The following NAA15 variants were observed in gnomAD, a reference collection of about 807,000 sequenced individuals.
NAA15 encodes N-terminal acetyltransferase.
NAA15 carries 34 observed loss-of-function variants against 114.0 expected under a neutral mutation model. That is an observed-to-expected ratio of 0.30 (90% CI 0.23 to 0.40). The LOEUF is 0.40. Among genes scored for constraint, NAA15 ranks in the 10% least tolerant of loss-of-function variants. The pLI is 1.00. For synonymous variants in NAA15, 340 were observed against 338.0 expected (o/e 1.01, Z -0.06); for missense variants, 658 against 1,004.5 (o/e 0.66, Z 4.66).
chr4:139,355,630 A>ATATAT lies in NAA15; in HGVS notation c.1087+1532_1087+1533insTATAT, dbSNP rs369967778. On this transcript the variant is annotated intron_variant, in intron 10 of 19. Transcript: ENST00000296543. ...AGTAGCCACATTTTAAGTGCTGCTC[A>ATATAT]ATAGCTATATATAGCTAATGCCTAC... Among the ~76,000 whole-genome samples the ATATAT allele has an allele frequency of 6.2e-3, 946 of 152,310 alleles. 7 individuals are homozygous for ATATAT. Among genetic ancestry groups the ATATAT allele is most frequent in the African/African-American group, 0.022 (913 of 41,568 alleles).
rs1258263640 is a variant in NAA15, at chr4:139,301,734, G to T, written c.-44G>T. On this transcript the variant is annotated 5_prime_UTR_variant, in exon 1 of 20. Coordinates refer to ENST00000296543, the MANE Select transcript of NAA15 (RefSeq NM_057175.5). ...GCGGCGGCGGTCGGACAAACTGACT[G>T]ACCGAGCCGGGTGGTGGCGGGAGCA... is the stretch of plus-strand genomic sequence containing the variant. 8 of 1,539,988 alleles carry T rather than the reference G, an allele frequency of 5.2e-6. No homozygotes were observed. Among genetic ancestry groups the T allele is most frequent in the Non-Finnish European group, 7.0e-6 (8 of 1,138,872 alleles).
At chr4:139,350,643 C>T (rs965848078) in intron 7 of NAA15, among the ~76,000 whole-genome samples, 1 of 152,174 alleles carries the variant, frequency 6.6e-6, no homozygotes, top group Non-Finnish European at 1.5e-5. Flanking sequence ...AACAAAGATT[C>T]TCAGACTGAT....
chr4:139,377,531 TC>T (rs200787222), intron 16 of NAA15, among the ~76,000 whole-genome samples: 1,789 of 139,538 alleles, frequency 0.013, 13 homozygotes, highest in East Asian at 0.03. Context: ...AGAATCAAAC[TC>T]CATCTCAAAA....
intron 1 of NAA15, among the ~76,000 whole-genome samples, chr4:139,309,428 TG>T (rs1746140085): frequency 1.4e-4 from 2 of 14,350 alleles, no homozygotes; most frequent in Admixed American, 1.1e-3. Context: ...GCTTTTTAAG[TG>T]TGTGTGTGTG....
Position 139,369,599 on chromosome 4 carries a change from G to A in NAA15, c.1754-612G>A, listed in dbSNP as rs552792197. On this transcript the variant is annotated intron_variant, in intron 14 of 19. Transcript: ENST00000296543. ...CTAAAAATACAAAAATCAGCCGGAC[G>A]TGGTGGCACATGCCTGTAGTCCCAG... Among the ~76,000 whole-genome samples the A allele has an allele frequency of 2.0e-4, 30 of 152,034 alleles. No individual in the cohort carries two copies. The South Asian group carries it at 4.6e-3, about 23-fold the overall frequency.
At chr4:139,381,115 C>T (rs1055371820) in intron 17 of NAA15, among the ~76,000 whole-genome samples, 2 of 152,108 alleles carry the variant, frequency 1.3e-5, no homozygotes, top group Non-Finnish European at 2.9e-5. Context: ...CTGGCACCCT[C>T]CAAATCTCTA....
intron 14 of NAA15, among the ~76,000 whole-genome samples, chr4:139,362,350 G>T (rs1281936248): frequency 6.6e-6 from 1 of 152,070 alleles, no homozygotes; most frequent in Admixed American, 6.5e-5. Flanking sequence ...CATGATCTCG[G>T]ATCACTGCAA....
intron 14 of NAA15, among the ~76,000 whole-genome samples, chr4:139,365,947 A>T (rs947082185): frequency 2.6e-5 from 4 of 152,166 alleles, no homozygotes; most frequent in Non-Finnish European, 4.4e-5. Context: ...GTTGTTAAAA[A>T]GGTCAGTGCT....
intron 13 of NAA15, among the ~76,000 whole-genome samples, chr4:139,361,051 C>T (rs549312036): frequency 2.0e-5 from 3 of 152,268 alleles, no homozygotes; most frequent in Admixed American, 2.0e-4. Context: ...TATCTAATTT[C>T]ATGCTGTTTG....
intron 1 of NAA15, chr4:139,302,640 C>T (rs534841735): frequency 6.6e-6 from 1 of 152,338 alleles, no homozygotes; most frequent in South Asian, 2.1e-4. Flanking sequence ...TTCTTATACA[C>T]TGAAGTATAT....
chr4:139,324,828 C>T (rs573737252), intron 1 of NAA15, among the ~76,000 whole-genome samples: 225 of 152,050 alleles, frequency 1.5e-3, no homozygotes, highest in African/African-American at 5.1e-3. Context: ...TAGTGCATTT[C>T]GTGAAAAAAA....
chr4:139,320,413 G>T (rs903075685), intron 1 of NAA15, among the ~76,000 whole-genome samples: 44 of 152,188 alleles, frequency 2.9e-4, no homozygotes, highest in African/African-American at 8.7e-4. Context: ...ATTCTTGCAT[G>T]TATAGGTTAG....
intron 7 of NAA15, 125 bp downstream of exon 7, chr4:139,349,706 C>A: frequency 3.0e-6 from 3 of 991,732 alleles, no homozygotes; most frequent in Non-Finnish European, 4.4e-6. Flanking sequence ...GAATACAGGC[C>A]AAGCGCAGTG....
chr4:139,357,299 C>T (rs1016837891), intron 10 of NAA15, 87 bp from the exon 11 acceptor site: 2 of 1,114,608 alleles, frequency 1.8e-6, no homozygotes, highest in African/African-American at 1.6e-5. Flanking sequence ...TAGTACCTCC[C>T]TTGTTAATAA....
At chr4:139,351,110 TA>T in intron 7 of NAA15, 80 bp from the exon 8 acceptor site, 1 of 609,562 alleles carries the variant, frequency 1.6e-6, no homozygotes, top group Non-Finnish European at 2.7e-6. Flanking sequence ...AATTTTAATA[TA>T]CTTTGAGAAG....
chr4:139,308,718 T>G (rs1486941256), intron 1 of NAA15, among the ~76,000 whole-genome samples: 4 of 151,974 alleles, frequency 2.6e-5, no homozygotes, highest in Non-Finnish European at 4.4e-5. Flanking sequence ...CAGGTTCAAG[T>G]GATTCTCCTG....
intron 1 of NAA15, among the ~76,000 whole-genome samples, chr4:139,308,467 A>G (rs1310740218): frequency 6.6e-6 from 1 of 152,212 alleles, no homozygotes; most frequent in Non-Finnish European, 1.5e-5. Flanking sequence ...AAGAGTGGAC[A>G]GTAACTTTGA....
intron 1 of NAA15, among the ~76,000 whole-genome samples, chr4:139,332,305 A>G (rs1747038854): frequency 6.6e-6 from 1 of 151,582 alleles, no homozygotes; most frequent in South Asian, 2.1e-4. Flanking sequence ...TAATTTTTGT[A>G]TTTTTAGTAG....
intron 1 of NAA15, among the ~76,000 whole-genome samples, chr4:139,303,852 A>G (rs1017842904): frequency 6.6e-6 from 1 of 152,264 alleles, no homozygotes; most frequent in Non-Finnish European, 1.5e-5. Context: ...GTATACTTAT[A>G]ACAATCATTC....
Sources: gnomAD v4.1 joint callset for allele counts (sites outside exome capture counted in the v4.1 genomes callset) on GRCh38, gnomAD v4.1.1 for gene constraint, MANE v1.5 for transcripts, NCBI Gene and HGNC (gene_info 2026-07-23, HGNC 2026-07-21) for gene names.